Variants in THSD7B observed in about 807,000 individuals in gnomAD.
THSD7B encodes thrombospondin type 1 domain containing 7B, also known as thrombospondin type-1 domain-containing protein 7B.
THSD7B carries 138 observed loss-of-function variants against 213.6 expected under a neutral mutation model. The ratio of observed to expected loss-of-function variants is 0.65; its 90% CI spans 0.56 to 0.74. THSD7B has a LOEUF of 0.74. THSD7B is among the 30% of genes least tolerant of loss of function. The pLI is 0.00. For missense variants in THSD7B, 1,931 were observed against 1,991.5 expected (o/e 0.97, Z 0.58); for synonymous variants, 742 against 687.0 (o/e 1.08, Z -1.25).
intron 7 of THSD7B, among the ~76,000 whole-genome samples, chr2:137,230,217 A>T (rs969217247): frequency 7.2e-5 from 11 of 152,186 alleles, no homozygotes; most frequent in Admixed American, 4.6e-4. Context: ...TTACTTAGAA[A>T]TTATCCCTTT....
chr2:136,979,455 C>T (rs1311425410), intron 2 of THSD7B, among the ~76,000 whole-genome samples: 1 of 152,140 alleles, frequency 6.6e-6, no homozygotes, highest in Non-Finnish European at 1.5e-5. Context: ...TATCTTTTTA[C>T]ATCATCCCAT....
rs554189407 is a variant in THSD7B at position 137,540,392 on chromosome 2, G to A, written c.3139-22829G>A. ...TACTCACAAAAATGACTGAGTCTTG[G>A]TAAGAATTGAGAGATTTCTCGCATT... On this transcript the variant is annotated intron_variant, in intron 15 of 27. Coordinates refer to ENST00000409968, the MANE Select transcript of THSD7B (RefSeq NM_001316349.2). 3.3e-5 allele frequency among the ~76,000 whole-genome samples: 5 copies of A among 151,768 alleles called. No homozygotes were observed. The South Asian group carries it at 8.3e-4, about 25-fold the overall frequency.
rs1391411071 is a variant in THSD7B at position 137,418,266 on chromosome 2, G to A, written c.2959+6394G>A. Among the ~76,000 whole-genome samples the A allele has an allele frequency of 2.6e-5, 4 of 152,052 alleles. No individual in the cohort carries two copies. In the East Asian group the frequency reaches 5.8e-4, roughly 22 times the overall value. On this transcript the variant is annotated intron_variant, in intron 14 of 27. Coordinates refer to ENST00000409968, the MANE Select transcript of THSD7B (RefSeq NM_001316349.2). ...GTGGCCCATCCACTGTCCTCACTCA[G>A]TCCTTCTTCTGGCCAGCCTCTCTCC...
chr2:137,167,145 C>G (rs1424445146), intron 6 of THSD7B, among the ~76,000 whole-genome samples: 1 of 151,744 alleles, frequency 6.6e-6, no homozygotes, highest in African/African-American at 2.4e-5. Context: ...AAGCTTCTGT[C>G]CTGTTTGTTT....
At chr2:137,667,884 T>A (rs1284477847) in intron 27 of THSD7B, 23 bp downstream of exon 27, 1 of 1,527,828 alleles carries the variant, frequency 6.5e-7, no homozygotes, top group Non-Finnish European at 8.9e-7. Context: ...TAGTAAAAAG[T>A]TTATGTTCCG....
chr2:136,966,334 C>A (rs1218302015), intron 2 of THSD7B, among the ~76,000 whole-genome samples: 1 of 152,062 alleles, frequency 6.6e-6, no homozygotes, highest in Non-Finnish European at 1.5e-5. Context: ...CCTCCCACCT[C>A]AGCCTCCAGA....
intron 15 of THSD7B, among the ~76,000 whole-genome samples, chr2:137,493,537 G>T (rs72981409): frequency 6.6e-6 from 1 of 152,068 alleles, no homozygotes; most frequent in Non-Finnish European, 1.5e-5. Context: ...CACTCATGGC[G>T]CACAACTTCC....
intron 2 of THSD7B, among the ~76,000 whole-genome samples, chr2:137,026,488 A>G (rs758519162): frequency 3.3e-5 from 5 of 152,192 alleles, no homozygotes; most frequent in Non-Finnish European, 7.3e-5. Flanking sequence ...TTGAGAGTCC[A>G]TGGTTTTTTA....
chr2:137,249,196 GA>G (rs1304806856), intron 10 of THSD7B, among the ~76,000 whole-genome samples: 1 of 151,944 alleles, frequency 6.6e-6, no homozygotes, highest in Non-Finnish European at 1.5e-5. Context: ...TTCATAGGGG[GA>G]AAAAGTTCAT....
chr2:137,550,931 C>G (rs1680835055), intron 15 of THSD7B, among the ~76,000 whole-genome samples: 1 of 151,776 alleles, frequency 6.6e-6, no homozygotes, highest in South Asian at 2.1e-4. Flanking sequence ...ACACCAAACC[C>G]CTGAGTTATG....
chr2:137,582,175 G>A (rs1177941585), intron 17 of THSD7B, among the ~76,000 whole-genome samples: 1 of 151,940 alleles, frequency 6.6e-6, no homozygotes, highest in Non-Finnish European at 1.5e-5. Context: ...TTCTTAACTG[G>A]TTCAGGACGT....
rs371759413 is a variant in THSD7B at position 137,657,115 on chromosome 2, G to A, written c.4330G>A (p.Glu1444Lys). The A allele has an allele frequency of 9.9e-6, 16 of 1,613,798 alleles. No homozygotes were observed. Among genetic ancestry groups the A allele is most frequent in the South Asian group, 2.2e-5 (2 of 91,074 alleles). Residue 1444 changes from glutamate (E) to lysine (K), a missense_variant, in exon 24 of 28, where the codon GAA becomes AAA. Physicochemically the swap from Glu to Lys is moderately conservative, Grantham distance 56. Transcript: ENST00000409968. ...TWKASLWNNNERTVWCQRSDG... is the reference protein window; with the variant it reads ...TWKASLWNNNKRTVWCQRSDG... ...GAAAGCAAGTCTTTGGAACAATAACGAACGAACTGTATGGTGCCAGCGTTC... is the reference window on the plus strand; with the variant it reads ...GAAAGCAAGTCTTTGGAACAATAACAAACGAACTGTATGGTGCCAGCGTTC...
At chr2:137,364,472 A>T (rs1202556391) in intron 12 of THSD7B, among the ~76,000 whole-genome samples, 1 of 152,216 alleles carries the variant, frequency 6.6e-6, no homozygotes, top group Non-Finnish European at 1.5e-5. Context: ...TTTGCAGATG[A>T]CATGATTGTA....
chr2:137,353,708 A>G (rs78460784), intron 12 of THSD7B, among the ~76,000 whole-genome samples: 301 of 152,252 alleles, frequency 2.0e-3, no homozygotes, highest in African/African-American at 7.0e-3. Flanking sequence ...TTATGGATAA[A>G]TACATACAAA....
chr2:137,491,871 C>G (rs999183703), intron 15 of THSD7B, among the ~76,000 whole-genome samples: 7 of 152,092 alleles, frequency 4.6e-5, no homozygotes, highest in African/African-American at 1.7e-4. Context: ...CCATCAGTTT[C>G]TAGATTGTTT....
At chr2:137,492,219 T>A (rs1443618089) in intron 15 of THSD7B, among the ~76,000 whole-genome samples, 3 of 152,206 alleles carry the variant, frequency 2.0e-5, no homozygotes, top group Non-Finnish European at 4.4e-5. Context: ...AGGGAAAGCT[T>A]GCTTACTACC....
intron 3 of THSD7B, among the ~76,000 whole-genome samples, chr2:137,065,015 A>T (rs560080347): frequency 2.0e-3 from 304 of 151,864 alleles, no homozygotes; most frequent in Middle Eastern, 6.8e-3. Flanking sequence ...TTATGGTTCC[A>T]TATGAGTTTT....
chr2:137,090,414 A>ATATAAAAG (rs1558917008), intron 3 of THSD7B, among the ~76,000 whole-genome samples: 1 of 152,168 alleles, frequency 6.6e-6, no homozygotes, highest in African/African-American at 2.4e-5. Context: ...GCGATGTATG[A>ATATAAAAG]TATAAAAGTA....
intron 20 of THSD7B, among the ~76,000 whole-genome samples, chr2:137,625,682 G>C (rs994686727): frequency 1.3e-5 from 2 of 152,198 alleles, no homozygotes; most frequent in African/African-American, 4.8e-5. Context: ...TCATGTGGCT[G>C]CTCTCACCAG....
Sources: gnomAD v4.1 joint callset for allele counts (sites outside exome capture counted in the v4.1 genomes callset) on GRCh38, gnomAD v4.1.1 for gene constraint, MANE v1.5 for transcripts, NCBI Gene and HGNC (gene_info 2026-07-23, HGNC 2026-07-21) for gene names.